The following SSX2IP variants were observed in gnomAD, a reference collection of about 807,000 sequenced individuals.
SSX2IP encodes the protein afadin- and alpha-actinin-binding protein.
In SSX2IP, 55 loss-of-function variants were observed where a neutral mutation model predicts 84.9. The observed-to-expected ratio is 0.65, with a 90% CI of 0.52 to 0.81. The LOEUF (loss-of-function observed/expected upper bound fraction) is 0.81. SSX2IP is among the 30% of genes least tolerant of loss of function. The pLI, the probability that SSX2IP is intolerant of heterozygous loss-of-function variation, is 0.00. For missense variants in SSX2IP, 664 were observed against 705.2 expected, an observed-to-expected ratio of 0.94 and a Z score of 0.66; for synonymous variants, 239 against 234.7, an observed-to-expected ratio of 1.02 and a Z score of -0.17.
intron 1 of SSX2IP, among the ~76,000 whole-genome samples, chr1:84,681,227 C>T (rs1655039416): frequency 6.6e-6 from 1 of 152,118 alleles, no homozygotes; most frequent in Non-Finnish European, 1.5e-5. Flanking sequence ...AGAGAGCAAG[C>T]ATAATATATA....
chr1:84,656,596 T>C (rs1186017411), intron 9 of SSX2IP, 112 bp from the exon 10 acceptor site: 69 of 1,006,220 alleles, frequency 6.9e-5, no homozygotes, highest in Non-Finnish European at 5.4e-5. Context: ...TTCTAGAATT[T>C]TATAGGTTTT....
At chr1:84,648,003 C>A (rs1017445666) in intron 13 of SSX2IP, among the ~76,000 whole-genome samples, 1 of 151,954 alleles carries the variant, frequency 6.6e-6, no homozygotes, top group Non-Finnish European at 1.5e-5. Flanking sequence ...ATCAGAATCC[C>A]TGTACAAATG....
intron 4 of SSX2IP, among the ~76,000 whole-genome samples, chr1:84,667,616 C>T (rs1475545683): frequency 2.0e-5 from 3 of 152,056 alleles, no homozygotes; most frequent in African/African-American, 7.2e-5. Flanking sequence ...CCTTTTACAC[C>T]ATCAGGAGAT....
At chr1:84,647,698 G>T in intron 13 of SSX2IP, 91 bp from the exon 14 acceptor site, 3 of 928,732 alleles carry the variant, frequency 3.2e-6, no homozygotes, top group African/African-American at 1.7e-5. Flanking sequence ...AAAAAAATAA[G>T]TTCCTTTTAA....
intron 12 of SSX2IP, 114 bp downstream of exon 12, chr1:84,651,765 TAGAG>T (rs1650285847): frequency 6.3e-6 from 4 of 636,390 alleles, no homozygotes; most frequent in Non-Finnish European, 1.1e-5. Context: ...TAGTTATAAT[TAGAG>T]AGCTCTAATT....
chr1:84,649,670 C>T (rs1649941936), intron 13 of SSX2IP: 2 of 238,858 alleles, frequency 8.4e-6, no homozygotes, highest in Non-Finnish European at 1.7e-5. Context: ...TTCCAACTTA[C>T]CCCTCTGATC....
rs1406459408 is a variant in SSX2IP, at chr1:84,655,773, T to C, written c.1389+59A>G. 3 of 1,559,744 alleles carry C rather than the reference T, an allele frequency of 1.9e-6. No homozygotes were observed. In the East Asian group the frequency reaches 6.7e-5, roughly 35 times the overall value. On this transcript the variant is annotated intron_variant, in intron 11 of 13. Coordinates refer to ENST00000342203, the MANE Select transcript of SSX2IP (RefSeq NM_001166293.2). ...AGAAAAAAAGGAGACCTTAGAAGCA[T>C]TCTACTGAGGCCCACCCACCCCCAG...
chr1:84,689,865 CG>C (rs1434344417), intron 1 of SSX2IP, among the ~76,000 whole-genome samples: 1 of 152,246 alleles, frequency 6.6e-6, no homozygotes, highest in Non-Finnish European at 1.5e-5. Context: ...AGACCACTAT[CG>C]GGGTTCTCTT....
intron 13 of SSX2IP, chr1:84,649,870 G>C (rs907541551): frequency 2.0e-6 from 1 of 506,662 alleles, no homozygotes; most frequent in African/African-American, 1.9e-5. Flanking sequence ...AGGGTGGAGA[G>C]CCATGTTTTT....
rs1463325550 is a variant in SSX2IP at position 84,669,506 on chromosome 1, T to C, written c.426+175A>G. Among the ~76,000 whole-genome samples, 3 of 152,180 alleles carry C rather than the reference T, an allele frequency of 2.0e-5. 1 individual carries two copies. The East Asian group carries it at 5.8e-4, about 29-fold the overall frequency. On this transcript the variant is annotated intron_variant, in intron 4 of 13. Coordinates refer to ENST00000342203, the MANE Select transcript of SSX2IP (RefSeq NM_001166293.2). The stretch of plus-strand genomic sequence containing the variant: ...GCTCAAAAAATTAATGCCTTCAATA[T>C]ACTGTAGGTATTAGGAAGCAGATGT...
At chr1:84,672,302 T>C (rs185847816) in intron 1 of SSX2IP, among the ~76,000 whole-genome samples, 4 of 152,156 alleles carry the variant, frequency 2.6e-5, no homozygotes, top group Admixed American at 2.6e-4. Flanking sequence ...CTACAATAAA[T>C]TGTGGTCAAG....
At position 84,643,925 on chromosome 1, in the gene SSX2IP, CA is replaced by C. The variant is rs919342514; in HGVS notation, c.*3507del. ...ACCAGTCATTTGATTTCATATAAAT[CA>C]AATAATTTAATCAATATCCACCCAC... On this transcript the variant is annotated 3_prime_UTR_variant, in exon 14 of 14. Coordinates refer to ENST00000342203, the MANE Select transcript of SSX2IP (RefSeq NM_001166293.2). The C allele has an allele frequency of 1.3e-5, 2 of 152,012 alleles. No individual in the cohort carries two copies. Among genetic ancestry groups the C allele is most frequent in the Non-Finnish European group, 2.9e-5 (2 of 67,998 alleles). The allele number at this position is 152,012 out of a possible 1,614,324, so 9.4% of individuals were successfully genotyped here.
intron 1 of SSX2IP, among the ~76,000 whole-genome samples, chr1:84,682,451 G>A (rs548874381): frequency 1.3e-5 from 2 of 151,430 alleles, no homozygotes; most frequent in South Asian, 2.1e-4. Flanking sequence ...TTTCTCATAG[G>A]ACCCAATATG....
At chr1:84,679,959 C>T (rs1654858474) in intron 1 of SSX2IP, among the ~76,000 whole-genome samples, 1 of 152,204 alleles carries the variant, frequency 6.6e-6, no homozygotes, top group South Asian at 2.1e-4. Context: ...TCTTAACCAT[C>T]ACATATTGTT....
chr1:84,670,608 CAT>C (rs1557506885), intron 3 of SSX2IP, 36 bp downstream of exon 3: 2 of 1,413,976 alleles, frequency 1.4e-6, no homozygotes, highest in Non-Finnish European at 1.9e-6. Flanking sequence ...TATTATATAA[CAT>C]GATTTATGCT....
intron 1 of SSX2IP, among the ~76,000 whole-genome samples, chr1:84,682,755 G>A (rs1487992228): frequency 6.6e-6 from 1 of 151,942 alleles, no homozygotes; most frequent in Non-Finnish European, 1.5e-5. Context: ...TCCCACCTTG[G>A]CCTCCAAAAT....
chr1:84,679,155 T>A (rs900877786), intron 1 of SSX2IP, among the ~76,000 whole-genome samples: 1 of 71,310 alleles, frequency 1.4e-5, no homozygotes, highest in African/African-American at 3.3e-5. Context: ...ACTTAACAAT[T>A]TAGTCATCAG....
At chr1:84,686,545 A>G (rs1244144491) in intron 1 of SSX2IP, among the ~76,000 whole-genome samples, 4 of 152,160 alleles carry the variant, frequency 2.6e-5, no homozygotes, top group Non-Finnish European at 5.9e-5. Flanking sequence ...AGACATTCAC[A>G]TGGGGATAAA....
intron 13 of SSX2IP, among the ~76,000 whole-genome samples, 191 bp from the exon 14 acceptor site, chr1:84,647,798 C>T (rs1198077986): frequency 6.6e-6 from 1 of 150,656 alleles, no homozygotes; most frequent in Non-Finnish European, 1.5e-5. Context: ...GTAATCCTAG[C>T]ACTTTGGGAG....
Sources: allele counts gnomAD v4.1 joint callset (sites outside exome capture counted in the v4.1 genomes callset), GRCh38; gene constraint gnomAD v4.1.1; transcripts MANE v1.5; gene names NCBI Gene and HGNC (gene_info 2026-07-23, HGNC 2026-07-21).